Variants in DPP10 observed in about 807,000 individuals in gnomAD.
DPP10 encodes dipeptidyl peptidase like 10.
Under a neutral mutation model 120.9 loss-of-function variants are expected in DPP10, and 33 were observed. That is an observed-to-expected ratio of 0.27 (90% confidence interval 0.21 to 0.37). DPP10 has a LOEUF of 0.37. DPP10 is among the 10% of genes least tolerant of loss of function. DPP10 has a pLI of 1.00. For synonymous variants in DPP10, 337 were observed against 326.1 expected (o/e 1.03, Z -0.36); for missense variants, 816 against 942.8 (o/e 0.87, Z 1.76).
At position 115,385,080 on chromosome 2, in the gene DPP10, G is replaced by A. The variant is rs77933784; in HGVS notation, c.271+41168G>A. 5.4e-3 allele frequency among the ~76,000 whole-genome samples: 823 copies of A among 152,244 alleles called. 5 individuals are homozygous for A. Among genetic ancestry groups the A allele is most frequent in the African/African-American group, 0.018 (734 of 41,528 alleles). On this transcript the variant is annotated intron_variant, in intron 3 of 25. Transcript: ENST00000410059. ...CCATTATTCTGAGATCTCCCCAGCC[G>A]TCTGTAACTGTAAGTCCAATTAAAC...
chr2:115,210,567 A>T lies in DPP10; in HGVS notation c.61-98672A>T, dbSNP rs575167964. Among the ~76,000 whole-genome samples, 3 of 152,072 alleles carry T rather than the reference A, an allele frequency of 2.0e-5. No homozygotes were observed. The South Asian group carries it at 6.2e-4, about 32-fold the overall frequency. On this transcript the variant is annotated intron_variant, in intron 1 of 25. Transcript: ENST00000410059. ...GATGGTTGGGTCAAATGGTATTTCT[A>T]GTTCTAGATCCTTGAGGAATCGCCA...
chr2:115,242,042 T>G (rs1483969791), intron 1 of DPP10, among the ~76,000 whole-genome samples: 5 of 152,152 alleles, frequency 3.3e-5, no homozygotes, highest in Non-Finnish European at 7.3e-5. Context: ...GGGCAGGTAG[T>G]ATTTGGTTGC....
intron 3 of DPP10, among the ~76,000 whole-genome samples, chr2:115,401,429 T>A (rs913962003): frequency 1.5e-4 from 23 of 152,044 alleles, no homozygotes; most frequent in African/African-American, 3.9e-4. Flanking sequence ...AACATTTTTT[T>A]AAAATGTATC....
At chr2:115,374,465 G>A (rs1208397337) in intron 3 of DPP10, among the ~76,000 whole-genome samples, 4 of 152,160 alleles carry the variant, frequency 2.6e-5, no homozygotes, top group Non-Finnish European at 4.4e-5. Context: ...CAGGTGCATG[G>A]TGCGTGCTGT....
chr2:115,432,303 A>G (rs1574828746), intron 3 of DPP10, among the ~76,000 whole-genome samples: 1 of 152,240 alleles, frequency 6.6e-6, no homozygotes, highest in East Asian at 1.9e-4. Context: ...CGAAAATCTG[A>G]AAGAAAGACG....
intron 5 of DPP10, among the ~76,000 whole-genome samples, chr2:115,684,631 C>A (rs1212824184): frequency 6.6e-6 from 1 of 151,722 alleles, no homozygotes; most frequent in African/African-American, 2.4e-5. Flanking sequence ...TGTTCAACTG[C>A]AGTGCAGAAA....
chr2:114,939,507 G>A (rs568420938), intron 1 of DPP10, among the ~76,000 whole-genome samples: 10 of 151,788 alleles, frequency 6.6e-5, no homozygotes, highest in South Asian at 2.1e-4. Flanking sequence ...TATGACTATC[G>A]GGATGCACAA....
At chr2:115,305,410 A>G (rs1464164512) in intron 1 of DPP10, among the ~76,000 whole-genome samples, 3 of 152,072 alleles carry the variant, frequency 2.0e-5, no homozygotes, top group Non-Finnish European at 2.9e-5. Flanking sequence ...TTAAGAGAAC[A>G]AGAGATTGTT....
At position 114,927,823 on chromosome 2, in the gene DPP10, T is replaced by C. The variant is rs74668524; in HGVS notation, c.61-381416T>C. ...TGACACTGGCATCCATATGCTCAGCTGCTGGTGAGGGCTTCAGGCTGCTTC... is the reference window on the plus strand; with the variant it reads ...TGACACTGGCATCCATATGCTCAGCCGCTGGTGAGGGCTTCAGGCTGCTTC... On this transcript the variant is annotated intron_variant, in intron 1 of 25. Coordinates refer to ENST00000410059, the MANE Select transcript of DPP10 (RefSeq NM_020868.6). 7.8e-3 allele frequency among the ~76,000 whole-genome samples: 1,189 copies of C among 152,318 alleles called. 22 individuals carry two copies. Among genetic ancestry groups the C allele is most frequent in the African/African-American group, 0.027 (1,123 of 41,568 alleles).
chr2:114,646,516 C>A (rs562713120), intron 1 of DPP10, among the ~76,000 whole-genome samples: 1 of 152,304 alleles, frequency 6.6e-6, no homozygotes, highest in South Asian at 2.1e-4. Context: ...CCAGTTCCTG[C>A]AATTCAGAGG....
rs151143767 is a variant in DPP10 at position 114,477,961 on chromosome 2, A to G, written c.60+35123A>G. ...TGTATATATGTACATATATGTGTGT[A>G]TATGTATATATGTGTATATATGTAC... On this transcript the variant is annotated intron_variant, in intron 1 of 25. Coordinates refer to ENST00000410059, the MANE Select transcript of DPP10 (RefSeq NM_020868.6). Among the ~76,000 whole-genome samples the G allele has an allele frequency of 1.2e-3, 185 of 150,342 alleles. 1 individual carries two copies. Among genetic ancestry groups the G allele is most frequent in the Middle Eastern group, 7.4e-3 (2 of 272 alleles).
intron 1 of DPP10, among the ~76,000 whole-genome samples, chr2:114,996,344 A>G (rs983164775): frequency 2.6e-5 from 4 of 152,216 alleles, no homozygotes; most frequent in Admixed American, 1.3e-4. Flanking sequence ...TATAATAATG[A>G]CATGACAAAT....
At chr2:114,833,391 T>C (rs1387912923) in intron 1 of DPP10, 2 of 152,126 alleles carry the variant, frequency 1.3e-5, no homozygotes, top group Non-Finnish European at 2.9e-5. Flanking sequence ...AGCTGATATA[T>C]TTTTCTTAGG....
At chr2:115,033,830 T>C (rs1704023694) in intron 1 of DPP10, among the ~76,000 whole-genome samples, 1 of 151,380 alleles carries the variant, frequency 6.6e-6, no homozygotes, top group South Asian at 2.1e-4. Context: ...CTTTCCAAAG[T>C]GCTGAGACTA....
At chr2:115,179,182 A>T (rs1573910309) in intron 1 of DPP10, among the ~76,000 whole-genome samples, 12 of 152,234 alleles carry the variant, frequency 7.9e-5, no homozygotes, top group Admixed American at 7.9e-4. Flanking sequence ...ACACAATTCT[A>T]TACCTTATAA....
intron 1 of DPP10, among the ~76,000 whole-genome samples, chr2:115,265,849 CAGG>C (rs1322979350): frequency 2.7e-5 from 4 of 150,798 alleles, no homozygotes; most frequent in African/African-American, 9.8e-5. Flanking sequence ...GAGGCTGAGG[CAGG>C]AGAATTGCTT....
intron 1 of DPP10, among the ~76,000 whole-genome samples, chr2:114,522,003 G>A (rs1431743258): frequency 1.4e-5 from 2 of 141,576 alleles, no homozygotes; most frequent in South Asian, 2.3e-4. Flanking sequence ...TTTTTGAGAC[G>A]GAGTCTCGCT....
At chr2:115,243,202 T>C (rs2058370359) in intron 1 of DPP10, among the ~76,000 whole-genome samples, 1 of 152,200 alleles carries the variant, frequency 6.6e-6, no homozygotes, top group South Asian at 2.1e-4. Flanking sequence ...GCTGCCTGAC[T>C]GCTAAGGCGT....
At chr2:114,913,557 C>G (rs945546500) in intron 1 of DPP10, among the ~76,000 whole-genome samples, 3 of 152,110 alleles carry the variant, frequency 2.0e-5, no homozygotes, top group African/African-American at 7.2e-5. Context: ...ATACCACAGC[C>G]AAAAGCAAAA....
Sources: allele counts gnomAD v4.1 joint callset (sites outside exome capture counted in the v4.1 genomes callset), GRCh38; gene constraint gnomAD v4.1.1; transcripts MANE v1.5; gene names NCBI Gene and HGNC (gene_info 2026-07-23, HGNC 2026-07-21).